The following CCDC178 variants were observed in gnomAD, a reference collection of about 807,000 sequenced individuals.
CCDC178 encodes the protein coiled-coil domain containing 178.
A neutral mutation model predicts 117.4 loss-of-function variants in CCDC178; 126 were observed. The observed-to-expected ratio is 1.07, with a 90% CI of 0.93 to 1.24. The LOEUF (loss-of-function observed/expected upper bound fraction) is 1.24. Ranked by LOEUF, CCDC178 falls within the 50% of genes most tolerant of loss-of-function variation. The pLI is 0.00. For missense variants in CCDC178, 1,030 were observed against 986.9 expected, an observed-to-expected ratio of 1.04 and a Z score of -0.59; for synonymous variants, 283 against 313.4, an observed-to-expected ratio of 0.90 and a Z score of 1.02.
chr18:33,242,736 T>C (rs1052301940), intron 15 of CCDC178, among the ~76,000 whole-genome samples: 5 of 151,774 alleles, frequency 3.3e-5, no homozygotes, highest in Admixed American at 6.6e-5. Flanking sequence ...GGATGGATAG[T>C]ATACAAATAT....
intron 9 of CCDC178, among the ~76,000 whole-genome samples, chr18:33,335,196 C>A (rs2062723152): frequency 6.6e-6 from 1 of 151,910 alleles, no homozygotes; most frequent in South Asian, 2.1e-4. Flanking sequence ...TCCCTAACTT[C>A]TAAACTCATA....
At chr18:33,101,632 T>A (rs747718360) in intron 20 of CCDC178, among the ~76,000 whole-genome samples, 1 of 151,938 alleles carries the variant, frequency 6.6e-6, no homozygotes, top group African/African-American at 2.4e-5. Flanking sequence ...TTATTCTAAT[T>A]ATGCAACTTT....
At chr18:33,151,625 C>A (rs922453621) in intron 20 of CCDC178, among the ~76,000 whole-genome samples, 4 of 152,020 alleles carry the variant, frequency 2.6e-5, no homozygotes, top group African/African-American at 7.2e-5. Flanking sequence ...AAAAAGTAAA[C>A]CAAAAGTTTA....
At chr18:33,034,306 T>G (rs947021925) in intron 21 of CCDC178, among the ~76,000 whole-genome samples, 3 of 151,996 alleles carry the variant, frequency 2.0e-5, no homozygotes, top group Non-Finnish European at 2.9e-5. Context: ...TTCCCTCTAA[T>G]ACAGTCTACA....
At chr18:33,343,269 A>G (rs920415942) in intron 9 of CCDC178, among the ~76,000 whole-genome samples, 1 of 152,210 alleles carries the variant, frequency 6.6e-6, no homozygotes, top group Admixed American at 6.5e-5. Flanking sequence ...ATGTTTGGGT[A>G]TAATATAATA....
At chr18:33,333,579 G>A (rs553871674) in intron 9 of CCDC178, among the ~76,000 whole-genome samples, 185 bp from the exon 10 acceptor site, 37 of 134,766 alleles carry the variant, frequency 2.7e-4, no homozygotes, top group African/African-American at 9.7e-4. Context: ...GCAATGGCAC[G>A]ATCTTGGCTT....
chr18:33,006,320 A>G (rs1306570081), intron 21 of CCDC178, among the ~76,000 whole-genome samples: 1 of 152,104 alleles, frequency 6.6e-6, no homozygotes, highest in Non-Finnish European at 1.5e-5. Context: ...TTGGAGAGGA[A>G]TGTACAAATA....
chr18:32,993,143 G>A (rs1009189191), intron 21 of CCDC178, among the ~76,000 whole-genome samples: 1 of 152,098 alleles, frequency 6.6e-6, no homozygotes, highest in African/African-American at 2.4e-5. Context: ...TCCAGCCTGG[G>A]CAACAGAATG....
chr18:33,002,376 T>G (rs2055654572), intron 21 of CCDC178, among the ~76,000 whole-genome samples: 1 of 151,664 alleles, frequency 6.6e-6, no homozygotes, highest in South Asian at 2.1e-4. Context: ...AAATTATTAA[T>G]AAGAGGAATT....
At chr18:33,265,481 G>T (rs377687289) in intron 14 of CCDC178, among the ~76,000 whole-genome samples, 9 of 151,988 alleles carry the variant, frequency 5.9e-5, no homozygotes, top group African/African-American at 1.7e-4. Context: ...TAATCTTAAG[G>T]ATAAGTGGCA....
chr18:33,043,735 CAG>C (rs1449496137), intron 21 of CCDC178, among the ~76,000 whole-genome samples: 4 of 151,856 alleles, frequency 2.6e-5, no homozygotes, highest in Non-Finnish European at 5.9e-5. Context: ...TTCATGGAAT[CAG>C]ATTTAAAAAG....
At chr18:33,286,271 G>A (rs905732522) in intron 12 of CCDC178, among the ~76,000 whole-genome samples, 4 of 151,930 alleles carry the variant, frequency 2.6e-5, no homozygotes, top group Admixed American at 6.6e-5. Flanking sequence ...CACCACGCCT[G>A]GCCAGCAATG....
intron 20 of CCDC178, among the ~76,000 whole-genome samples, chr18:33,102,053 T>C (rs2057635753): frequency 1.3e-5 from 2 of 151,954 alleles, no homozygotes. Context: ...GAGAGGTACA[T>C]GGAGTAGAAA....
intron 21 of CCDC178, among the ~76,000 whole-genome samples, chr18:33,005,378 G>A (rs1351441047): frequency 6.6e-6 from 1 of 152,016 alleles, no homozygotes; most frequent in African/African-American, 2.4e-5. Context: ...AACTTTGCAT[G>A]TTCTCACTTA....
chr18:33,305,409 G>A (rs2062235052), intron 11 of CCDC178, among the ~76,000 whole-genome samples: 1 of 152,266 alleles, frequency 6.6e-6, no homozygotes, highest in Non-Finnish European at 1.5e-5. Flanking sequence ...TTGTGCACAG[G>A]GATGCCTGGC....
chr18:33,420,686 C>T (rs1324712690), intron 2 of CCDC178, among the ~76,000 whole-genome samples: 1 of 152,068 alleles, frequency 6.6e-6, no homozygotes, highest in Non-Finnish European at 1.5e-5. Context: ...TTGAGTACTA[C>T]TAATATGCTT....
rs144781274 is a variant in CCDC178, at chr18:33,123,329, A to T, written c.2239-30419T>A. 2.1e-4 allele frequency among the ~76,000 whole-genome samples: 32 copies of T among 152,294 alleles called. 1 individual carries two copies. In the East Asian group the frequency reaches 5.0e-3, roughly 24 times the overall value. The stretch of plus-strand genomic sequence containing the variant: ...TAAGATGCTTAAGATGATTTGCATA[A>T]AATGAGAGTAATGAGGGCCTTTACT... On this transcript the variant is annotated intron_variant, in intron 20 of 22. Coordinates refer to ENST00000383096, the MANE Select transcript of CCDC178 (RefSeq NM_001105528.4).
intron 5 of CCDC178, among the ~76,000 whole-genome samples, chr18:33,376,010 C>T (rs146633633): frequency 1.2e-4 from 18 of 152,262 alleles, no homozygotes; most frequent in African/African-American, 3.8e-4. Flanking sequence ...ACTTGGATAA[C>T]GGCCAAGCGG....
At chr18:32,990,106 T>G (rs1168688449) in intron 21 of CCDC178, among the ~76,000 whole-genome samples, 1 of 152,144 alleles carries the variant, frequency 6.6e-6, no homozygotes, top group Non-Finnish European at 1.5e-5. Flanking sequence ...ATTGGAAGAC[T>G]TCTTTAAATA....
Sources: gnomAD v4.1 joint callset for allele counts (sites outside exome capture counted in the v4.1 genomes callset) on GRCh38, gnomAD v4.1.1 for gene constraint, MANE v1.5 for transcripts, NCBI Gene and HGNC (gene_info 2026-07-23, HGNC 2026-07-21) for gene names.